The following CWF19L1 variants were observed in gnomAD, a reference collection of about 807,000 sequenced individuals.
CWF19L1 encodes the protein CWF19-like protein 1.
CWF19L1 carries 60 observed loss-of-function variants against 69.7 expected under a neutral mutation model. The ratio of observed to expected loss-of-function variants is 0.86; its 90% CI spans 0.70 to 1.07. The LOEUF (loss-of-function observed/expected upper bound fraction) is 1.07, where lower values mean the gene tolerates loss of function less well. CWF19L1 is among the 50% of genes least tolerant of loss of function. CWF19L1 has a pLI of 0.00. For missense variants in CWF19L1, 591 were observed against 638.9 expected, an observed-to-expected ratio of 0.92 and a Z score of 0.81; for synonymous variants, 209 against 222.2, an observed-to-expected ratio of 0.94 and a Z score of 0.53.
rs1321559985 is a variant in CWF19L1, at chr10:100,246,906, C to T, written c.738G>A (p.Met246Ile). ...KYLYAFSIVP[M>I]KLMDAAELVK... is the part of the protein sequence containing the mutation. ...CCAGTTCTGCTGCATCCATTAGCTTCATGGGAACAATACTGAACGCGTAAA... is the reference window on the plus strand; with the variant it reads ...CCAGTTCTGCTGCATCCATTAGCTTTATGGGAACAATACTGAACGCGTAAA... The change falls in exon 8 of 14, where the codon ATG becomes ATA. Residue 246 changes from methionine (M) to isoleucine (I), a missense_variant. Met to Ile is a conservative substitution (Grantham distance 10, BLOSUM62 1). Coordinates refer to ENST00000354105, the MANE Select transcript of CWF19L1 (RefSeq NM_018294.6). 1 of 1,613,450 alleles carries T rather than the reference C, an allele frequency of 6.2e-7. No homozygotes were observed. The highest frequency in any genetic ancestry group is 8.5e-7 in the Non-Finnish European group (1 of 1,179,550).
At chr10:100,242,651 G>A (rs1846673797) in intron 10 of CWF19L1, among the ~76,000 whole-genome samples, 1 of 147,404 alleles carries the variant, frequency 6.8e-6, no homozygotes, top group South Asian at 2.1e-4. Context: ...TCCAACCTGG[G>A]CAACAGAGCG....
intron 1 of CWF19L1, among the ~76,000 whole-genome samples, chr10:100,266,121 C>A (rs1847572767): frequency 6.6e-6 from 1 of 151,974 alleles, no homozygotes; most frequent in Non-Finnish European, 1.5e-5. Context: ...ATCATTAAGC[C>A]AAATACCCCT....
Position 100,253,777 on chromosome 10 carries a change from G to GT in CWF19L1, c.505-239dup, listed in dbSNP as rs1368451684. Reference sequence around the variant, plus strand: ...ACTGTTGGAAGCCAGAGATTAAAAGGTAACTCCTCCATATCAATACCCAAA... The same window carrying GT: ...ACTGTTGGAAGCCAGAGATTAAAAGGTTAACTCCTCCATATCAATACCCAAA... On this transcript the variant is annotated intron_variant, in intron 5 of 13. Coordinates refer to ENST00000354105, the MANE Select transcript of CWF19L1 (RefSeq NM_018294.6). 1.4e-4 allele frequency: 57 copies of GT among 415,180 alleles called. No individual in the cohort carries two copies. In the East Asian group the frequency reaches 2.1e-3, roughly 15 times the overall value. 25.7% of individuals were successfully genotyped at this position (415,180 alleles called of 1,614,324 possible).
At chr10:100,235,419 T>G (rs1019323315) in intron 13 of CWF19L1, among the ~76,000 whole-genome samples, 3 of 152,216 alleles carry the variant, frequency 2.0e-5, no homozygotes, top group Admixed American at 6.5e-5. Context: ...ATGAAGGCTT[T>G]CACCAACTAG....
chr10:100,248,691 G>C, intron 7 of CWF19L1: 1 of 992,552 alleles, frequency 1.0e-6, no homozygotes, highest in South Asian at 1.3e-5. Flanking sequence ...AAAGAGAGCT[G>C]GTCTCCAGGC....
Position 100,264,528 on chromosome 10 carries a change from G to A in CWF19L1, c.24-2465C>T, listed in dbSNP as rs919320071. On this transcript the variant is annotated intron_variant, in intron 1 of 13. Coordinates refer to ENST00000354105, the MANE Select transcript of CWF19L1 (RefSeq NM_018294.6). The stretch of plus-strand genomic sequence containing the variant: ...GCACTGCACTCCAGCCTGGGCAACA[G>A]AGCAAGACTCCATCTCAAAAAAAAA... Among the ~76,000 whole-genome samples the A allele has an allele frequency of 2.8e-5, 4 of 142,336 alleles. No individual in the cohort carries two copies. In the Admixed American group the frequency reaches 2.9e-4, roughly 10 times the overall value. The allele number at this position is 142,336 out of a possible 152,430, so 93.4% of individuals were successfully genotyped here.
chr10:100,263,876 TC>T (rs1847483685), intron 1 of CWF19L1, among the ~76,000 whole-genome samples: 1 of 152,246 alleles, frequency 6.6e-6, no homozygotes, highest in Non-Finnish European at 1.5e-5. Flanking sequence ...TGATTTGTTC[TC>T]CACATTGCAG....
chr10:100,264,707 T>C (rs1045776652), intron 1 of CWF19L1, among the ~76,000 whole-genome samples: 1 of 151,838 alleles, frequency 6.6e-6, no homozygotes, highest in African/African-American at 2.4e-5. Context: ...GACAGCTTCA[T>C]GCATGTTATT....
intron 5 of CWF19L1, chr10:100,254,638 T>C (rs934780049): frequency 4.6e-5 from 7 of 152,164 alleles, no homozygotes; most frequent in Non-Finnish European, 7.4e-5. Context: ...CCTAGCATCT[T>C]AGGGACTGGT....
rs1328235815 is a variant in CWF19L1 at position 100,233,936 on chromosome 10, T to G, written c.1473-565A>C. On this transcript the variant is annotated intron_variant, in intron 13 of 13. Transcript: ENST00000354105. ...CATACCCACTCTGATTTAAAATTCCTCTGCCTCTCCTTCTAGGGGACTCAG... is the reference window on the plus strand; with the variant it reads ...CATACCCACTCTGATTTAAAATTCCGCTGCCTCTCCTTCTAGGGGACTCAG... The G allele has an allele frequency of 2.0e-5, 3 of 152,360 alleles. No homozygotes were observed. In the South Asian group the frequency reaches 6.2e-4, roughly 32 times the overall value. 9.4% of individuals were successfully genotyped at this position (152,360 alleles called of 1,614,324 possible).
intron 2 of CWF19L1, among the ~76,000 whole-genome samples, chr10:100,261,481 T>A (rs1352000624): frequency 6.6e-6 from 1 of 152,196 alleles, no homozygotes; most frequent in Admixed American, 6.5e-5. Flanking sequence ...AAAAAACACA[T>A]TTCCTGCCTG....
chr10:100,250,018 T>C, intron 7 of CWF19L1: 1 of 538,618 alleles, frequency 1.9e-6, no homozygotes, highest in Non-Finnish European at 3.3e-6. Context: ...ATTTGATATT[T>C]TGCCTTTATT....
intron 13 of CWF19L1, 140 bp downstream of exon 13, chr10:100,235,527 G>A: frequency 1.7e-6 from 1 of 595,214 alleles, no homozygotes; most frequent in Non-Finnish European, 3.0e-6. Flanking sequence ...TGTCATATAT[G>A]TAAACATCTG....
At chr10:100,244,106 T>C (rs1168521475) in intron 9 of CWF19L1, among the ~76,000 whole-genome samples, 2 of 152,202 alleles carry the variant, frequency 1.3e-5, no homozygotes, top group African/African-American at 2.4e-5. Flanking sequence ...GCCCCAGCTA[T>C]GCCATTAGCC....
In CWF19L1 at chr10:100,238,226, G is replaced by A; in HGVS notation, c.1050C>T (p.Tyr350=). Residue 350 remains tyrosine, a synonymous_variant, in exon 11 of 14, where the codon TAC becomes TAT. Coordinates refer to ENST00000354105, the MANE Select transcript of CWF19L1 (RefSeq NM_018294.6). ...HLVVNIGTHC[Y]LALAKGGLSD... is the part of the protein sequence containing the mutation. ...ATAAGCCTCCTTTGGCCAGGGCAAG[G>A]TAGCACTGAAGAAGCAGCACACAGA... is the stretch of plus-strand genomic sequence containing the variant. 6.2e-7 allele frequency: 1 copy of A among 1,614,116 alleles called. No homozygotes were observed. Among genetic ancestry groups the A allele is most frequent in the Non-Finnish European group, 8.5e-7 (1 of 1,179,992 alleles).
intron 1 of CWF19L1, among the ~76,000 whole-genome samples, chr10:100,265,539 TTG>T (rs1192472378): frequency 6.6e-6 from 1 of 150,950 alleles, no homozygotes; most frequent in Non-Finnish European, 1.5e-5. Flanking sequence ...TTTTTTTTTT[TTG>T]AGACAGTCTC....
At chr10:100,245,778 C>T in intron 9 of CWF19L1, 21 bp downstream of exon 9, 1 of 1,581,124 alleles carries the variant, frequency 6.3e-7, no homozygotes, top group Non-Finnish European at 8.7e-7. Context: ...TAGAAGAAAC[C>T]TCTGGAATAA....
chr10:100,233,490 C>G (rs1846340548), intron 13 of CWF19L1, 119 bp from the exon 14 acceptor site: 10 of 900,926 alleles, frequency 1.1e-5, no homozygotes, highest in Non-Finnish European at 1.6e-5. Flanking sequence ...AGTGCCATCT[C>G]TGCCATACTA....
In CWF19L1 at chr10:100,233,153, A is replaced by T; in HGVS notation, c.*74T>A. The T allele has an allele frequency of 6.9e-7, 1 of 1,446,310 alleles. No individual in the cohort carries two copies. The allele number at this position is 1,446,310 out of a possible 1,614,324, so 89.6% of individuals were successfully genotyped here. A position where few individuals can be genotyped will look rare whatever the true frequency, so the allele number is the denominator to read the frequency against. ...ACAGAGCGAGACTTTGTCTCAAAAA[A>T]AATTCTTTTAATTAAAAAAAAAAAA... On this transcript the variant is annotated 3_prime_UTR_variant, in exon 14 of 14. Transcript: ENST00000354105.
Sources: gnomAD v4.1 joint callset for allele counts (sites outside exome capture counted in the v4.1 genomes callset) on GRCh38, gnomAD v4.1.1 for gene constraint, MANE v1.5 for transcripts, NCBI Gene and HGNC (gene_info 2026-07-23, HGNC 2026-07-21) for gene names.